CYREN: variants seen among roughly 807,000 people sequenced by gnomAD.
The protein encoded by CYREN is cell cycle regulator of non-homologous end joining.
A neutral mutation model predicts 9.7 loss-of-function variants in CYREN; 7 were observed. That is an observed-to-expected ratio of 0.72 (90% CI 0.41 to 1.36). CYREN has a LOEUF of 1.36. Ranked by LOEUF, CYREN falls within the 40% of genes most tolerant of loss-of-function variation. The probability of loss-of-function intolerance (pLI) is 0.01; values close to 1 mark genes in which losing one functional copy is unlikely to be tolerated. For synonymous variants in CYREN, 76 were observed against 77.9 expected, an observed-to-expected ratio of 0.98 and a Z score of 0.13; for missense variants, 215 against 198.1, an observed-to-expected ratio of 1.09 and a Z score of -0.51.
chr7:135,111,285 C>T (rs754549919), intron 2 of CYREN, among the ~76,000 whole-genome samples: 16 of 152,194 alleles, frequency 1.1e-4, no homozygotes, highest in Non-Finnish European at 2.2e-4. Flanking sequence ...GTCTTACTCA[C>T]CTTCCTCAAA....
Position 135,168,797 on chromosome 7 carries a change from C to T in CYREN, c.126G>A (p.Val42=), listed in dbSNP as rs149922851. ...PKRMRMAAVP[V]AAARLPATRT... ...CAGAGCTGTCGCACCTTGCTGCTGCCACTGGCACTGCTGCCATTCTCATCC... is the reference window on the plus strand; with the variant it reads ...CAGAGCTGTCGCACCTTGCTGCTGCTACTGGCACTGCTGCCATTCTCATCC... The change falls in exon 2 of 4, where the codon GTG becomes GTA. Residue 42 remains valine, a synonymous_variant. Transcript: ENST00000393114. 3.2e-4 allele frequency: 510 copies of T among 1,613,914 alleles called. No individual in the cohort carries two copies. The highest frequency in any genetic ancestry group is 3.8e-4 in the Non-Finnish European group (450 of 1,179,968).
At position 135,132,679 on chromosome 7, in the gene CYREN, T is replaced by G. The variant is rs1208396766; in HGVS notation, n.356+36070A>C. ...CTCTTCTCGTGGTACTGAACAAGTC[T>G]CAGGAGATCCGATGGTTTTATAAAT... On this transcript the variant is annotated intron_variant and non_coding_transcript_variant, in intron 2 of 2. Coordinates refer to the CYREN transcript ENST00000459937. Among the ~76,000 whole-genome samples, 3 of 152,178 alleles carry G rather than the reference T, an allele frequency of 2.0e-5. No individual in the cohort carries two copies. In the East Asian group the frequency reaches 5.8e-4, roughly 29 times the overall value.
At chr7:135,167,521 C>T (rs963928538) in intron 3 of CYREN, 4 of 1,419,914 alleles carry the variant, frequency 2.8e-6, no homozygotes, top group African/African-American at 1.4e-5. Context: ...GCATGCCCTC[C>T]CAGGCTTCTA....
intron 2 of CYREN, chr7:135,168,009 CA>C: frequency 6.9e-6 from 6 of 868,304 alleles, no homozygotes; most frequent in East Asian, 2.8e-5. Context: ...TTCATGGAGG[CA>C]ACACCGGGGT....
intron 2 of CYREN, among the ~76,000 whole-genome samples, chr7:135,160,735 TAA>T (rs11295955): frequency 1.4e-5 from 2 of 145,322 alleles, no homozygotes; most frequent in African/African-American, 2.6e-5. Flanking sequence ...TTCGCTCATT[TAA>T]AAAAAAAAAA....
At chr7:135,134,042 TAG>T (rs1249702980) in intron 2 of CYREN, among the ~76,000 whole-genome samples, 2 of 151,918 alleles carry the variant, frequency 1.3e-5, no homozygotes, top group Non-Finnish European at 2.9e-5. Flanking sequence ...AACTTGATAA[TAG>T]ATTAATAATG....
Position 135,121,570 on chromosome 7 carries a change from T to G in CYREN, n.357-26988A>C, listed in dbSNP as rs1014277671. Among the ~76,000 whole-genome samples the G allele has an allele frequency of 2.5e-4, 37 of 148,196 alleles. 1 individual carries two copies. The highest frequency in any genetic ancestry group is 8.7e-4 in the African/African-American group (35 of 40,136). ...GTAATAGGAAAAAAAAAAAAAAACC[T>G]AAACATTTGGAAACTAAATAACACA... On this transcript the variant is annotated intron_variant and non_coding_transcript_variant, in intron 2 of 2. Transcript: ENST00000459937.
chr7:135,172,447 G>T (rs549387198), upstream of CYREN, among the ~76,000 whole-genome samples: 1 of 139,768 alleles, frequency 7.2e-6, no homozygotes, highest in African/African-American at 2.6e-5. Flanking sequence ...GGTATGTGTG[G>T]TGTGAGCGTG....
At chr7:135,131,857 G>T (rs1202740220) in intron 2 of CYREN, among the ~76,000 whole-genome samples, 1 of 151,882 alleles carries the variant, frequency 6.6e-6, no homozygotes, top group African/African-American at 2.4e-5. Flanking sequence ...AATGAAACAG[G>T]ATATCACTAA....
At chr7:135,164,424 C>T (rs1181440213), downstream of CYREN, 7 of 1,586,190 alleles carry the variant, frequency 4.4e-6, no homozygotes, top group African/African-American at 2.7e-5. Flanking sequence ...GCAGGTCCCC[C>T]GGCAGAGGGC....
intron 2 of CYREN, among the ~76,000 whole-genome samples, chr7:135,102,461 A>C (rs1446059084): frequency 6.6e-6 from 1 of 152,210 alleles, no homozygotes; most frequent in Non-Finnish European, 1.5e-5. Context: ...TACTCCATTG[A>C]CATAATCCAA....
Position 135,166,840 on chromosome 7 carries a change from G to C in CYREN, c.245C>G (p.Pro82Arg). The change falls in exon 4 of 4, where the codon CCG (proline) becomes CGG (arginine). Residue 82 changes from proline to arginine, a missense_variant. By Grantham distance (103) the Pro-to-Arg change is moderately radical. Transcript: ENST00000393114. ...TGGGTTATCAGCCCCCGCCAGGGCC[G>C]GCTGCTCGCAGGCCTTTTCCTGTTT... ...SRKQEKACEQ[P>R]ALAGADNPEH... is the part of the protein sequence containing the mutation. 6.2e-7 allele frequency: 1 copy of C among 1,614,006 alleles called. No individual in the cohort carries two copies. The highest frequency in any genetic ancestry group is 8.5e-7 in the Non-Finnish European group (1 of 1,179,902).
At chr7:135,106,727 T>C (rs892767286) in intron 2 of CYREN, among the ~76,000 whole-genome samples, 4 of 152,224 alleles carry the variant, frequency 2.6e-5, no homozygotes, top group South Asian at 2.1e-4. Context: ...GCTGGCTTCA[T>C]AGAATGAGTT....
intron 2 of CYREN, among the ~76,000 whole-genome samples, chr7:135,112,318 A>G (rs978574697): frequency 6.6e-6 from 1 of 152,184 alleles, no homozygotes; most frequent in Non-Finnish European, 1.5e-5. Context: ...AAAATCTTCA[A>G]TGTCCCCCTG....
intron 2 of CYREN, among the ~76,000 whole-genome samples, chr7:135,105,208 T>G (rs2117070826): frequency 6.6e-6 from 1 of 152,110 alleles, no homozygotes; most frequent in Admixed American, 6.6e-5. Flanking sequence ...TCGCTGGGAT[T>G]ACAGGTGCCC....
rs185085347 is a variant in CYREN, at chr7:135,124,159, C to T, written n.357-29577G>A. ...GCATCCAGGAGACCTGTCTTATGTG[C>T]AAAGACACACATAGGCTCAAAATAA... On this transcript the variant is annotated intron_variant and non_coding_transcript_variant, in intron 2 of 2. Coordinates refer to the CYREN transcript ENST00000459937. Among the ~76,000 whole-genome samples, 23 of 149,382 alleles carry T rather than the reference C, an allele frequency of 1.5e-4. No individual in the cohort carries two copies. In the East Asian group the frequency reaches 3.9e-3, roughly 25 times the overall value.
chr7:135,105,940 G>C (rs1041864976), intron 2 of CYREN, among the ~76,000 whole-genome samples: 4 of 152,076 alleles, frequency 2.6e-5, no homozygotes, highest in Non-Finnish European at 4.4e-5. Context: ...TTTCATTGTA[G>C]AGATCTTTCA....
intron 2 of CYREN, chr7:135,168,424 C>T (rs1168151869): frequency 3.6e-6 from 1 of 275,706 alleles, no homozygotes; most frequent in Non-Finnish European, 6.9e-6. Flanking sequence ...GCAGGCACCA[C>T]TCAGAACAGA....
At chr7:135,170,396 G>C (rs1315757719) in intron 1 of CYREN, 9 of 152,296 alleles carry the variant, frequency 5.9e-5, no homozygotes, top group African/African-American at 2.2e-4. Flanking sequence ...TGGCGGCGCC[G>C]ACCTGTGGGA....
Sources: allele counts gnomAD v4.1 joint callset (sites outside exome capture counted in the v4.1 genomes callset), GRCh38; gene constraint gnomAD v4.1.1; transcripts MANE v1.5; gene names NCBI Gene and HGNC (gene_info 2026-07-23, HGNC 2026-07-21).